Variants in CDYL2 observed in about 807,000 individuals in gnomAD.
CDYL2 encodes chromodomain Y like 2.
Under a neutral mutation model 49.4 loss-of-function variants are expected in CDYL2, and 23 were observed. The observed-to-expected ratio is 0.47, with a 90% CI of 0.34 to 0.66. CDYL2 has a LOEUF of 0.66. Ranked by LOEUF, CDYL2 falls within the 30% of genes least tolerant of loss-of-function variation. The probability of loss-of-function intolerance (pLI) is 0.01; values close to 1 mark genes in which losing one functional copy is unlikely to be tolerated. For synonymous variants in CDYL2, 360 were observed against 268.8 expected, an observed-to-expected ratio of 1.34 and a Z score of -3.32; for missense variants, 678 against 656.4, an observed-to-expected ratio of 1.03 and a Z score of -0.36.
intron 1 of CDYL2, among the ~76,000 whole-genome samples, chr16:80,772,705 C>A (rs1007840096): frequency 6.6e-6 from 1 of 152,174 alleles, no homozygotes; most frequent in East Asian, 1.9e-4. Flanking sequence ...CCCACCTCGG[C>A]CTCCCAAAGT....
At chr16:80,630,125 C>T (rs1276739407) in intron 3 of CDYL2, among the ~76,000 whole-genome samples, 1 of 152,226 alleles carries the variant, frequency 6.6e-6, no homozygotes, top group African/African-American at 2.4e-5. Context: ...TTACGGGCTG[C>T]TTTACCCAGT....
At chr16:80,754,486 G>C (rs970735886) in intron 1 of CDYL2, among the ~76,000 whole-genome samples, 1 of 152,154 alleles carries the variant, frequency 6.6e-6, no homozygotes, top group Non-Finnish European at 1.5e-5. Flanking sequence ...AAATATACCA[G>C]AATCCGAGAA....
chr16:80,616,796 A>T (rs116689794), intron 4 of CDYL2, among the ~76,000 whole-genome samples: 1 of 152,364 alleles, frequency 6.6e-6, no homozygotes, highest in African/African-American at 2.4e-5. Context: ...AGTGCCAGGA[A>T]TAGCCCGAGT....
intron 2 of CDYL2, among the ~76,000 whole-genome samples, chr16:80,669,401 C>G (rs1909405687): frequency 1.3e-5 from 2 of 152,258 alleles, no homozygotes; most frequent in African/African-American, 2.4e-5. Flanking sequence ...CAATGGTCCT[C>G]AGAACCAAGT....
chr16:80,668,129 A>C (rs8053410), intron 2 of CDYL2, among the ~76,000 whole-genome samples: 1 of 152,272 alleles, frequency 6.6e-6, no homozygotes, highest in Non-Finnish European at 1.5e-5. Flanking sequence ...GCCATCACAG[A>C]GGAACAGTTA....
chr16:80,630,674 T>C (rs924303530), intron 3 of CDYL2, among the ~76,000 whole-genome samples: 4 of 152,052 alleles, frequency 2.6e-5, no homozygotes, highest in African/African-American at 9.7e-5. Context: ...CAAAACACCA[T>C]GCTCAGAGAA....
chr16:80,714,175 C>T (rs1012834552), intron 1 of CDYL2, among the ~76,000 whole-genome samples: 2 of 152,164 alleles, frequency 1.3e-5, no homozygotes, highest in African/African-American at 2.4e-5. Flanking sequence ...CCCAGTCTCA[C>T]GACCCAGACC....
intron 1 of CDYL2, among the ~76,000 whole-genome samples, chr16:80,794,008 C>T (rs1182805183): frequency 6.6e-6 from 1 of 152,052 alleles, no homozygotes; most frequent in Admixed American, 6.6e-5. Context: ...GTGGTTTGAC[C>T]ATCTTGTCTT....
intron 1 of CDYL2, among the ~76,000 whole-genome samples, chr16:80,757,613 A>G (rs1906358509): frequency 6.6e-6 from 1 of 151,518 alleles, no homozygotes; most frequent in South Asian, 2.1e-4. Flanking sequence ...TTTATATCAA[A>G]ATATTTGCCA....
At chr16:80,627,270 C>G (rs1173062254) in intron 3 of CDYL2, among the ~76,000 whole-genome samples, 2 of 151,946 alleles carry the variant, frequency 1.3e-5, no homozygotes, top group African/African-American at 4.8e-5. Flanking sequence ...TATACATGAA[C>G]TCTATTTCTC....
intron 1 of CDYL2, among the ~76,000 whole-genome samples, chr16:80,774,272 G>T (rs1405932486): frequency 6.6e-6 from 1 of 151,882 alleles, no homozygotes; most frequent in Non-Finnish European, 1.5e-5. Context: ...TGGAACTGGA[G>T]AACATTATGC....
chr16:80,710,197 GA>G (rs1355815642), intron 1 of CDYL2, among the ~76,000 whole-genome samples: 2 of 152,144 alleles, frequency 1.3e-5, no homozygotes, highest in East Asian at 3.9e-4. Flanking sequence ...AAAGCACTGG[GA>G]TTACAGGTGT....
chr16:80,713,287 G>C (rs909212150), intron 1 of CDYL2, among the ~76,000 whole-genome samples: 2 of 152,230 alleles, frequency 1.3e-5, no homozygotes, highest in African/African-American at 4.8e-5. Flanking sequence ...CAAGCTGTGA[G>C]AGGCTCTGAG....
chr16:80,617,044 A>G (rs1906861587), intron 4 of CDYL2, among the ~76,000 whole-genome samples: 2 of 152,198 alleles, frequency 1.3e-5, no homozygotes, highest in Admixed American at 6.5e-5. Flanking sequence ...ACGTTTGAAC[A>G]AGCCACCTTG....
At chr16:80,635,833 C>A (rs1287587227) in intron 2 of CDYL2, among the ~76,000 whole-genome samples, 2 of 152,164 alleles carry the variant, frequency 1.3e-5, no homozygotes, top group Non-Finnish European at 2.9e-5. Flanking sequence ...GCTACAGTAA[C>A]CAAAACAGCA....
intron 1 of CDYL2, among the ~76,000 whole-genome samples, chr16:80,752,671 A>G (rs1302186803): frequency 1.3e-5 from 2 of 152,212 alleles, no homozygotes; most frequent in African/African-American, 4.8e-5. Flanking sequence ...TGAACACACA[A>G]CAAGGGAGTG....
intron 1 of CDYL2, among the ~76,000 whole-genome samples, chr16:80,765,511 G>A (rs575993148): frequency 4.6e-5 from 7 of 151,878 alleles, no homozygotes; most frequent in African/African-American, 1.4e-4. Flanking sequence ...AAACAGCCTG[G>A]CAGTTCTTCA....
At chr16:80,793,334 C>T (rs1405307000) in intron 1 of CDYL2, among the ~76,000 whole-genome samples, 2 of 152,174 alleles carry the variant, frequency 1.3e-5, no homozygotes, top group African/African-American at 4.8e-5. Flanking sequence ...TGATGAGGGA[C>T]AATGGCTTAA....
At chr16:80,758,486 T>C (rs1244992871) in intron 1 of CDYL2, among the ~76,000 whole-genome samples, 1 of 151,762 alleles carries the variant, frequency 6.6e-6, no homozygotes, top group Admixed American at 6.6e-5. Flanking sequence ...TTTTCTAGGA[T>C]TTTAATATAC....
Sources: allele counts gnomAD v4.1 joint callset (sites outside exome capture counted in the v4.1 genomes callset), GRCh38; gene constraint gnomAD v4.1.1; transcripts MANE v1.5; gene names NCBI Gene and HGNC (gene_info 2026-07-23, HGNC 2026-07-21).